Variants in TTC39A observed in about 807,000 individuals in gnomAD.
The protein encoded by TTC39A is tetratricopeptide repeat domain 39A, also known as tetratricopeptide repeat protein 39A.
In TTC39A, 46 loss-of-function variants were observed where a neutral mutation model predicts 82.3. The ratio of observed to expected loss-of-function variants is 0.56; its 90% CI spans 0.44 to 0.71. The LOEUF (loss-of-function observed/expected upper bound fraction) is 0.71, where lower values mean the gene tolerates loss of function less well. TTC39A is among the 30% of genes least tolerant of loss of function. The pLI is 0.00. For synonymous variants in TTC39A, 254 were observed against 275.2 expected, an observed-to-expected ratio of 0.92 and a Z score of 0.76; for missense variants, 543 against 712.9, an observed-to-expected ratio of 0.76 and a Z score of 2.71.
At chr1:51,306,150 G>A (rs1399766899) in intron 6 of TTC39A, 74 bp from the exon 7 acceptor site, 3 of 1,275,146 alleles carry the variant, frequency 2.4e-6, no homozygotes, top group South Asian at 1.2e-5. Context: ...CCTTCCAGCT[G>A]GGCCTCAGGT....
intron 2 of TTC39A, among the ~76,000 whole-genome samples, chr1:51,314,522 T>G (rs1042793004): frequency 6.6e-6 from 1 of 152,200 alleles, no homozygotes; most frequent in East Asian, 1.9e-4. Context: ...TTCCTGTTCA[T>G]AAAACACTCA....
intron 5 of TTC39A, among the ~76,000 whole-genome samples, chr1:51,309,622 G>C (rs940538681): frequency 2.0e-5 from 3 of 152,184 alleles, no homozygotes; most frequent in Non-Finnish European, 4.4e-5. Flanking sequence ...AGAAAGGAGG[G>C]GGGATGCTTG....
At chr1:51,312,722 C>A in intron 3 of TTC39A, 90 bp downstream of exon 3, 1 of 1,534,702 alleles carries the variant, frequency 6.5e-7, no homozygotes, top group Non-Finnish European at 8.8e-7. Flanking sequence ...AGCAGCAGTG[C>A]GAATAGTGGC....
chr1:51,312,398 A>G (rs1205489568), intron 3 of TTC39A, among the ~76,000 whole-genome samples: 2 of 152,256 alleles, frequency 1.3e-5, no homozygotes, highest in African/African-American at 4.8e-5. Flanking sequence ...TTCACTGGTC[A>G]AATGGGGACA....
chr1:51,300,030 C>T (rs778660410), intron 12 of TTC39A: 1 of 152,368 alleles, frequency 6.6e-6, no homozygotes, highest in East Asian at 1.9e-4. Flanking sequence ...GCACCTTCAA[C>T]AGCAGGGTGG....
At position 51,296,405 on chromosome 1, in the gene TTC39A, A is replaced by C. The variant is rs533043329; in HGVS notation, c.1054-235T>G. ...AAGCAGTGGCAAGAAGAACCCATGCAACTAGTAATAGGCAGGACAGACTGG... is the reference window on the plus strand; with the variant it reads ...AAGCAGTGGCAAGAAGAACCCATGCCACTAGTAATAGGCAGGACAGACTGG... On this transcript the variant is annotated intron_variant, in intron 12 of 17. Coordinates refer to ENST00000680483, the MANE Select transcript of TTC39A (RefSeq NM_001297663.2). Among the ~76,000 whole-genome samples the C allele has an allele frequency of 3.5e-4, 54 of 152,340 alleles. No homozygotes were observed. The East Asian group carries it at 8.7e-3, about 24-fold the overall frequency.
chr1:51,310,287 G>A (rs1377491280), intron 5 of TTC39A, among the ~76,000 whole-genome samples: 1 of 152,122 alleles, frequency 6.6e-6, no homozygotes, highest in East Asian at 1.9e-4. Context: ...TAATACTCTA[G>A]GTAGTGATTC....
chr1:51,312,282 C>G (rs1306953358), intron 3 of TTC39A, 87 bp from the exon 4 acceptor site: 1 of 1,256,694 alleles, frequency 8.0e-7, no homozygotes, highest in Non-Finnish European at 1.1e-6. Flanking sequence ...CTAGAACATT[C>G]CTAAAGAGAC....
At chr1:51,312,256 C>A in intron 3 of TTC39A, 61 bp from the exon 4 acceptor site, 1 of 1,465,942 alleles carries the variant, frequency 6.8e-7, no homozygotes, top group Non-Finnish European at 9.4e-7. Context: ...TTGTCTCTGC[C>A]CCTCTCTGCT....
rs762241096 is a variant in TTC39A, at chr1:51,296,065, G to A, written c.1145+14C>T. The A allele has an allele frequency of 3.2e-6, 5 of 1,566,510 alleles. No individual in the cohort carries two copies. The highest frequency in any genetic ancestry group is 2.7e-5 in the African/African-American group (2 of 73,732). ...GGAGTGGCCTACACAGTGGGAGCAC[G>A]ATGTGGGACCCACCGAAATAATTCC... On this transcript the variant is annotated intron_variant, in intron 13 of 17. Transcript: ENST00000680483.
At position 51,291,384 on chromosome 1, in the gene TTC39A, G is replaced by A. The variant is rs140245328; in HGVS notation, c.1267-759C>T. Among the ~76,000 whole-genome samples the A allele has an allele frequency of 8.6e-5, 13 of 151,810 alleles. No individual in the cohort carries two copies. In the East Asian group the frequency reaches 1.7e-3, roughly 20 times the overall value. On this transcript the variant is annotated intron_variant, in intron 14 of 17. Transcript: ENST00000680483. The stretch of plus-strand genomic sequence containing the variant: ...CACACACCTATAATTCCAGCTACTC[G>A]GGAGGCTGAGACAGGAGAATCACTT...
At chr1:51,314,454 C>T (rs1319308597) in intron 2 of TTC39A, among the ~76,000 whole-genome samples, 2 of 152,196 alleles carry the variant, frequency 1.3e-5, no homozygotes, top group African/African-American at 4.8e-5. Flanking sequence ...AGAGAGATGA[C>T]TAAGGTTTAC....
Position 51,287,614 on chromosome 1 carries a change from A to C in TTC39A, c.*543T>G, listed in dbSNP as rs1644039236. Reference sequence around the variant, plus strand: ...AGTAAGGTAGTGGGTGTCTGTGTACATCCTCATGCCCAACCCCAGAAGCAT... The same window carrying C: ...AGTAAGGTAGTGGGTGTCTGTGTACCTCCTCATGCCCAACCCCAGAAGCAT... On this transcript the variant is annotated 3_prime_UTR_variant, in exon 18 of 18. Transcript: ENST00000680483. 6.5e-6 allele frequency: 1 copy of C among 154,336 alleles called. No individual in the cohort carries two copies. The highest frequency in any genetic ancestry group is 2.4e-5 in the African/African-American group (1 of 41,492). The allele number at this position is 154,336 out of a possible 1,614,324, so 9.6% of individuals were successfully genotyped here. A position where few individuals can be genotyped will look rare whatever the true frequency, so the allele number is the denominator to read the frequency against.
chr1:51,293,107 G>A (rs901898773), intron 14 of TTC39A, among the ~76,000 whole-genome samples: 1 of 126,336 alleles, frequency 7.9e-6, no homozygotes, highest in Non-Finnish European at 1.6e-5. Context: ...CACTCTTGTT[G>A]CCCAGGCTGG....
At chr1:51,311,572 C>A (rs1325473463) in intron 4 of TTC39A, among the ~76,000 whole-genome samples, 2 of 152,170 alleles carry the variant, frequency 1.3e-5, no homozygotes, top group Non-Finnish European at 2.9e-5. Context: ...GCGTTAGAAC[C>A]TTCCAGGGCT....
At chr1:51,329,497 C>A (rs1007781710) in intron 1 of TTC39A, among the ~76,000 whole-genome samples, 1 of 152,210 alleles carries the variant, frequency 6.6e-6, no homozygotes, top group African/African-American at 2.4e-5. Context: ...ACCCAGCTTC[C>A]AAGCCCTGAT....
At position 51,288,347 on chromosome 1, in the gene TTC39A, G is replaced by C. The variant is rs1644067710; in HGVS notation, c.1611-67C>G. On this transcript the variant is annotated intron_variant, in intron 17 of 17. Coordinates refer to ENST00000680483, the MANE Select transcript of TTC39A (RefSeq NM_001297663.2). The surrounding 1 kb of genome is among the most constrained non-coding windows in gnomAD (Gnocchi z 4.8). Reference sequence around the variant, plus strand: ...CCCAGAGATGCTTTTCCTCCTGTTTGAGCTGTATGAGCCCCGCGAGCCAAG... The same window carrying C: ...CCCAGAGATGCTTTTCCTCCTGTTTCAGCTGTATGAGCCCCGCGAGCCAAG... The C allele has an allele frequency of 6.2e-7, 1 of 1,607,418 alleles. No individual in the cohort carries two copies. The highest frequency in any genetic ancestry group is 8.5e-7 in the Non-Finnish European group (1 of 1,176,382).
intron 1 of TTC39A, among the ~76,000 whole-genome samples, chr1:51,339,388 C>T (rs1186862768): frequency 6.6e-6 from 1 of 152,158 alleles, no homozygotes; most frequent in Non-Finnish European, 1.5e-5. Context: ...TGCTGATCAC[C>T]TGGGAAAGAC....
chr1:51,292,305 T>G (rs1018909689), intron 14 of TTC39A, among the ~76,000 whole-genome samples: 1 of 152,230 alleles, frequency 6.6e-6, no homozygotes, highest in African/African-American at 2.4e-5. Context: ...GTGAAAACAC[T>G]TTGTAGCCAT....
Sources: allele counts gnomAD v4.1 joint callset (sites outside exome capture counted in the v4.1 genomes callset), GRCh38; gene constraint gnomAD v4.1.1; non-coding constraint Gnocchi (gnomAD v3.1); transcripts MANE v1.5; gene names NCBI Gene and HGNC (gene_info 2026-07-23, HGNC 2026-07-21).